The following CFHR4 variants were observed in gnomAD, a reference collection of about 807,000 sequenced individuals.
CFHR4 encodes complement factor H-related protein 4.
CFHR4 carries 64 observed loss-of-function variants against 69.3 expected under a neutral mutation model. The ratio of observed to expected loss-of-function variants is 0.92; its 90% CI spans 0.76 to 1.14. The LOEUF is 1.14. CFHR4 is among the 50% of genes most tolerant of loss of function. The pLI, the probability that CFHR4 is intolerant of heterozygous loss-of-function variation, is 0.00. For missense variants in CFHR4, 636 were observed against 684.9 expected (o/e 0.93, Z 0.80); for synonymous variants, 244 against 237.0 (o/e 1.03, Z -0.27).
At chr1:196,891,115 G>T (rs1657007955) in intron 1 of CFHR4, among the ~76,000 whole-genome samples, 1 of 151,134 alleles carries the variant, frequency 6.6e-6, no homozygotes, top group African/African-American at 2.4e-5. Flanking sequence ...AGCCAGGTGT[G>T]GTGGCAAACA....
chr1:196,908,063 A>C (rs1164321039), intron 5 of CFHR4, among the ~76,000 whole-genome samples: 1 of 151,412 alleles, frequency 6.6e-6, no homozygotes, highest in Non-Finnish European at 1.5e-5. Flanking sequence ...CAAGAACAGA[A>C]AACCTAGCAC....
chr1:196,913,953 A>G (rs536514372), intron 7 of CFHR4, among the ~76,000 whole-genome samples: 1 of 151,676 alleles, frequency 6.6e-6, no homozygotes, highest in East Asian at 1.9e-4. Context: ...CTCTGTGTAA[A>G]GAAAAAGGTG....
At chr1:196,892,889 T>C (rs995153350) in intron 1 of CFHR4, among the ~76,000 whole-genome samples, 7 of 151,408 alleles carry the variant, frequency 4.6e-5, no homozygotes, top group East Asian at 1.9e-4. Context: ...AAAAGAAAAT[T>C]CCATTAATAT....
rs750913457 is a variant in CFHR4 at position 196,907,362 on chromosome 1, T to C, written c.663T>C (p.Asp221=). The C allele has an allele frequency of 1.1e-5, 18 of 1,612,112 alleles. 1 individual carries two copies. In the South Asian group the frequency reaches 2.0e-4, roughly 18 times the overall value. ...CGPPPPISNG[D]TTSFPQKVYL... Reference sequence around the variant, plus strand: ...CTCCTCCACCTATTAGCAATGGAGATACCACGTCCTTCCCGCAAAAAGTGT... The same window carrying C: ...CTCCTCCACCTATTAGCAATGGAGACACCACGTCCTTCCCGCAAAAAGTGT... Residue 221 remains aspartate (D), a synonymous_variant, in exon 5 of 10, where the codon GAT becomes GAC. Transcript: ENST00000608469.
rs1001400425 is a variant in CFHR4, at chr1:196,918,603, C to G, written c.*197C>G. ...AACTAAATTATTGCTTATGCTTGTACTAAAATAATAAAAACTACCCTTATA... is the reference window on the plus strand; with the variant it reads ...AACTAAATTATTGCTTATGCTTGTAGTAAAATAATAAAAACTACCCTTATA... On this transcript the variant is annotated 3_prime_UTR_variant, in exon 10 of 10. Coordinates refer to ENST00000608469, the MANE Select transcript of CFHR4 (RefSeq NM_001201550.3). 4 of 547,276 alleles carry G rather than the reference C, an allele frequency of 7.3e-6. No individual in the cohort carries two copies. In the African/African-American group the frequency reaches 7.7e-5, roughly 11 times the overall value. 33.9% of individuals were successfully genotyped at this position (547,276 alleles called of 1,614,324 possible).
intron 1 of CFHR4, among the ~76,000 whole-genome samples, chr1:196,889,208 A>G (rs1165603453): frequency 6.6e-6 from 1 of 151,522 alleles, no homozygotes; most frequent in Non-Finnish European, 1.5e-5. Flanking sequence ...ATTTGATTCT[A>G]AGTAAACAGC....
chr1:196,907,245 T>C (rs1480040531), intron 4 of CFHR4, 71 bp from the exon 5 acceptor site: 2 of 1,357,374 alleles, frequency 1.5e-6, no homozygotes, highest in Non-Finnish European at 2.1e-6. Flanking sequence ...TAAGAGTATA[T>C]AAAAAGCTTT....
intron 1 of CFHR4, 51 bp downstream of exon 1, chr1:196,888,259 G>C (rs376259343): frequency 1.9e-6 from 3 of 1,558,012 alleles, no homozygotes; most frequent in African/African-American, 1.4e-5. Context: ...ATGTAACTTC[G>C]TGTAATATCT....
rs1021024642 is a variant in CFHR4 at position 196,915,676 on chromosome 1, C to CAGA, written c.1540+549_1540+551dup. On this transcript the variant is annotated intron_variant, in intron 9 of 9. Coordinates refer to ENST00000608469, the MANE Select transcript of CFHR4 (RefSeq NM_001201550.3). ...AAAAATAAAAAATAAATAAATAAAA[C>CAGA]AGAAGAAGAAGAAAAGAAAAAGAGA... 7.3e-5 allele frequency among the ~76,000 whole-genome samples: 11 copies of CAGA among 150,982 alleles called. 1 individual carries two copies. The highest frequency in any genetic ancestry group is 2.0e-4 in the Admixed American group (3 of 15,148).
rs1045013628 is a variant in CFHR4, at chr1:196,905,305, T to C, written c.439+15T>C. The C allele has an allele frequency of 6.2e-7, 1 of 1,610,140 alleles. No homozygotes were observed. The highest frequency in any genetic ancestry group is 8.5e-7 in the Non-Finnish European group (1 of 1,178,190). On this transcript the variant is annotated intron_variant, in intron 3 of 9. Transcript: ENST00000608469. ...AATTTGCATTAGTAAGTTATTTACA[T>C]ATTCCCACTCAGTTTCTGTCAACTT... is the stretch of plus-strand genomic sequence containing the variant.
chr1:196,888,372 GA>G lies in CFHR4; in HGVS notation c.58+170del, dbSNP rs1012101250. 1.3e-5 allele frequency among the ~76,000 whole-genome samples: 2 copies of G among 149,872 alleles called. 1 individual carries two copies. Among genetic ancestry groups the G allele is most frequent in the African/African-American group, 5.0e-5 (2 of 39,978 alleles). ...AGAGTATAACAGAAATTAATTTTAT[GA>G]AAAAATATCTCATAATTTAAAGAAA... On this transcript the variant is annotated intron_variant, in intron 1 of 9. Transcript: ENST00000608469.
intron 4 of CFHR4, 53 bp from the exon 5 acceptor site, chr1:196,907,263 A>C (rs1657962706): frequency 1.4e-6 from 2 of 1,479,210 alleles, no homozygotes; most frequent in Admixed American, 3.4e-5. Flanking sequence ...TTTATTCAGA[A>C]AGTTTCCAAT....
intron 1 of CFHR4, among the ~76,000 whole-genome samples, chr1:196,897,611 G>A (rs934278516): frequency 2.6e-5 from 4 of 151,320 alleles, no homozygotes; most frequent in Admixed American, 1.3e-4. Flanking sequence ...TCTTCCCCTG[G>A]AGTTAGGCCA....
intron 3 of CFHR4, among the ~76,000 whole-genome samples, chr1:196,905,744 A>G (rs1023016299): frequency 4.6e-5 from 7 of 151,514 alleles, no homozygotes; most frequent in African/African-American, 1.7e-4. Flanking sequence ...TGAGACTTCA[A>G]TAATTTGTAT....
intron 1 of CFHR4, among the ~76,000 whole-genome samples, chr1:196,898,219 G>C (rs1657413980): frequency 6.6e-6 from 1 of 151,422 alleles, no homozygotes; most frequent in Non-Finnish European, 1.5e-5. Flanking sequence ...AATCATATGT[G>C]AGTTTATAGA....
chr1:196,916,195 C>A (rs1219330657), intron 9 of CFHR4, among the ~76,000 whole-genome samples: 2 of 151,348 alleles, frequency 1.3e-5, no homozygotes, highest in African/African-American at 2.4e-5. Context: ...TGAAGCAACA[C>A]AATTCAAAAA....
At chr1:196,909,151 C>T (rs186233367) in intron 5 of CFHR4, among the ~76,000 whole-genome samples, 1 of 151,390 alleles carries the variant, frequency 6.6e-6, no homozygotes, top group South Asian at 2.1e-4. Flanking sequence ...ATTTGATTGA[C>T]TGAGGAGATG....
At chr1:196,896,200 T>C (rs961864221) in intron 1 of CFHR4, among the ~76,000 whole-genome samples, 6 of 151,130 alleles carry the variant, frequency 4.0e-5, no homozygotes, top group African/African-American at 1.5e-4. Flanking sequence ...TACATGTTTG[T>C]TGAGGGGCTT....
chr1:196,901,828 C>A (rs148438146), intron 1 of CFHR4, among the ~76,000 whole-genome samples: 3,203 of 151,382 alleles, frequency 0.021, 190 homozygotes, highest in African/African-American at 0.072. Flanking sequence ...ATGCTTATTA[C>A]ACTCTTAGAT....
Sources: allele counts gnomAD v4.1 joint callset (sites outside exome capture counted in the v4.1 genomes callset), GRCh38; gene constraint gnomAD v4.1.1; transcripts MANE v1.5; gene names NCBI Gene and HGNC (gene_info 2026-07-23, HGNC 2026-07-21).